Variants in NPC2 observed in about 807,000 individuals in gnomAD.
NPC2 encodes NPC intracellular cholesterol transporter 2.
Under a neutral mutation model 17.0 loss-of-function variants are expected in NPC2, and 14 were observed. The ratio of observed to expected loss-of-function variants is 0.82; its 90% confidence interval spans 0.54 to 1.29. NPC2 has a LOEUF of 1.29. Ranked by LOEUF, NPC2 falls within the 50% of genes most tolerant of loss-of-function variation. The pLI is 0.00. For synonymous variants in NPC2, 75 were observed against 69.3 expected, an observed-to-expected ratio of 1.08 and a Z score of -0.41; for missense variants, 167 against 183.4, an observed-to-expected ratio of 0.91 and a Z score of 0.52.
intron 4 of NPC2, 31 bp from the exon 5 acceptor site, chr14:74,480,319 G>C (rs748830004): frequency 1.3e-6 from 2 of 1,588,654 alleles, no homozygotes; most frequent in Non-Finnish European, 8.6e-7. Context: ...CTCAGTGGAA[G>C]TGGTTTGGAA....
Position 74,480,214 on chromosome 14 carries a change from A to C in NPC2, c.*60T>G. The C allele has an allele frequency of 6.2e-7, 1 of 1,614,084 alleles. No individual in the cohort carries two copies. Among genetic ancestry groups the C allele is most frequent in the Non-Finnish European group, 8.5e-7 (1 of 1,180,016 alleles). On this transcript the variant is annotated 3_prime_UTR_variant, in exon 5 of 5. Coordinates refer to ENST00000555619, the MANE Select transcript of NPC2 (RefSeq NM_006432.5). The stretch of plus-strand genomic sequence containing the variant: ...ACTGTTGTTGAAGCAGCAGAGCTGG[A>C]GGTGCTGTCAAGAGTCTCAGCAGAC...
chr14:74,485,294 C>CAAAAAAAAAAAAAAAAA lies in NPC2; in HGVS notation c.191-724_191-708dup, dbSNP rs61395005. ...TGGGTGACAGAGCGAGACTCTGTCA[C>CAAAAAAAAAAAAAAAAA]AAAAAAAAAAAAAAAAAAAAAAAAA... On this transcript the variant is annotated intron_variant, in intron 2 of 4. Transcript: ENST00000555619. Among the ~76,000 whole-genome samples the CAAAAAAAAAAAAAAAAA allele has an allele frequency of 4.2e-4, 30 of 71,324 alleles. 1 individual carries two copies. The highest frequency in any genetic ancestry group is 2.1e-3 in the African/African-American group (27 of 12,898). The allele number at this position is 71,324 out of a possible 152,430, so 46.8% of individuals were successfully genotyped here.
intron 1 of NPC2, among the ~76,000 whole-genome samples, chr14:74,489,648 C>G (rs1308543791): frequency 5.3e-5 from 8 of 152,160 alleles, no homozygotes; most frequent in Admixed American, 2.6e-4. Context: ...TTAAATAAAG[C>G]CTTTAAAAAT....
intron 3 of NPC2, among the ~76,000 whole-genome samples, chr14:74,483,959 G>C (rs1287562951): frequency 6.6e-6 from 1 of 152,022 alleles, no homozygotes; most frequent in Non-Finnish European, 1.5e-5. Context: ...AAAAATTATG[G>C]AATATCCTCT....
At position 74,480,305 on chromosome 14, in the gene NPC2, C is replaced by G. The variant is rs1290370120; in HGVS notation, c.442-17G>C. The G allele has an allele frequency of 2.5e-6, 4 of 1,606,038 alleles. No individual in the cohort carries two copies. The highest frequency in any genetic ancestry group is 3.4e-6 in the Non-Finnish European group (4 of 1,173,594). On this transcript the variant is annotated splice_polypyrimidine_tract_variant and intron_variant, in intron 4 of 4. Coordinates refer to ENST00000555619, the MANE Select transcript of NPC2 (RefSeq NM_006432.5). The stretch of plus-strand genomic sequence containing the variant: ...ATGAGAAACCTGTGGATGTAATGTC[C>G]CAGCTCAGTGGAAGTGGTTTGGAAC...
At chr14:74,491,821 T>C (rs143107344) in intron 1 of NPC2, among the ~76,000 whole-genome samples, 79 of 152,314 alleles carry the variant, frequency 5.2e-4, no homozygotes, top group African/African-American at 1.9e-3. Context: ...GAGGAATTTA[T>C]AGTTTAAACT....
At chr14:74,486,224 T>C in intron 2 of NPC2, 105 bp downstream of exon 2, 1 of 1,055,876 alleles carries the variant, frequency 9.5e-7, no homozygotes, top group Non-Finnish European at 1.4e-6. Flanking sequence ...ATCATAAAAT[T>C]CATGACTGCC....
chr14:74,490,300 C>G (rs568643760), intron 1 of NPC2, among the ~76,000 whole-genome samples: 9 of 152,316 alleles, frequency 5.9e-5, no homozygotes, highest in African/African-American at 1.7e-4. Context: ...TCACACTGAC[C>G]AACACTGCTC....
intron 4 of NPC2, 195 bp downstream of exon 4, chr14:74,480,507 T>G (rs1196711885): frequency 2.6e-6 from 2 of 766,622 alleles, no homozygotes; most frequent in Non-Finnish European, 4.7e-6. Flanking sequence ...CTTTTTTTTT[T>G]TTAACAAAGG....
upstream of NPC2, chr14:74,493,311 G>C (rs769643578): frequency 6.3e-7 from 1 of 1,597,286 alleles, no homozygotes; most frequent in Non-Finnish European, 8.5e-7. The surrounding 1 kb of genome is among the most constrained non-coding windows in gnomAD (Gnocchi z 4.1). Flanking sequence ...GAAAGAAGCA[G>C]CGGCCGCCCG....
chr14:74,481,888 A>G (rs191102180), intron 3 of NPC2, among the ~76,000 whole-genome samples: 72 of 151,976 alleles, frequency 4.7e-4, no homozygotes, highest in Admixed American at 8.5e-4. Flanking sequence ...ACTAGTTACT[A>G]CCTCTCTTTT....
In NPC2 at chr14:74,484,477, T is replaced by G; in HGVS notation, c.301A>C (p.Ile101Leu). Residue 101 changes from isoleucine to leucine, a missense_variant, in exon 3 of 5, where the codon ATC (isoleucine) becomes CTC (leucine). Physicochemically the swap from Ile to Leu is conservative, Grantham distance 5. Transcript: ENST00000555619. ...DGCKSGINCP[I>L]QKDKTYSYLN... ...TAGCTATAGGTCTTGTCTTTTTGGA[T>G]AGGGCAGTTAATTCCACTCTTACAA... 1 of 1,614,044 alleles carries G rather than the reference T, an allele frequency of 6.2e-7. No individual in the cohort carries two copies.
At chr14:74,480,337 T>C (rs1262665441) in intron 4 of NPC2, 49 bp from the exon 5 acceptor site, 1 of 1,510,678 alleles carries the variant, frequency 6.6e-7, no homozygotes, top group Admixed American at 1.7e-5. Flanking sequence ...GAACCTTTCC[T>C]CCACTGTCAG....
chr14:74,480,245 G>T lies in NPC2; in HGVS notation c.*29C>A. On this transcript the variant is annotated 3_prime_UTR_variant, in exon 5 of 5. Transcript: ENST00000555619. ...TGTCAAGAGTCTCAGCAGACTCATTGGCCAGATGCACCGAACTCAATGAGG... is the reference window on the plus strand; with the variant it reads ...TGTCAAGAGTCTCAGCAGACTCATTTGCCAGATGCACCGAACTCAATGAGG... 1.2e-6 allele frequency: 2 copies of T among 1,614,158 alleles called. No homozygotes were observed. The highest frequency in any genetic ancestry group is 1.7e-6 in the Non-Finnish European group (2 of 1,180,026).
intron 2 of NPC2, 105 bp from the exon 3 acceptor site, chr14:74,484,692 T>G (rs575961813): frequency 1.6e-6 from 2 of 1,217,028 alleles, no homozygotes; most frequent in East Asian, 5.0e-5. Context: ...CTAGGGTCTA[T>G]TTCTCTTGAT....
intron 4 of NPC2, 27 bp from the exon 5 acceptor site, chr14:74,480,315 G>A: frequency 6.3e-7 from 1 of 1,599,386 alleles, no homozygotes; most frequent in Non-Finnish European, 8.6e-7. Context: ...CCAGCTCAGT[G>A]GAAGTGGTTT....
At position 74,479,976 on chromosome 14, in the gene NPC2, A is replaced by C; in HGVS notation, c.*298T>G. 7.4e-7 allele frequency: 1 copy of C among 1,357,420 alleles called. No homozygotes were observed. The highest frequency in any genetic ancestry group is 9.5e-7 in the Non-Finnish European group (1 of 1,052,138). The allele number at this position is 1,357,420 out of a possible 1,614,324, so 84.1% of individuals were successfully genotyped here. On this transcript the variant is annotated 3_prime_UTR_variant, in exon 5 of 5. Transcript: ENST00000555619. ...AGACAAACGAGTTTTTATTTATTCA[A>C]GAGTAAATTTCCAGGTGTAGAAAGA...
At chr14:74,488,472 T>C (rs1308793028) in intron 1 of NPC2, among the ~76,000 whole-genome samples, 3 of 152,208 alleles carry the variant, frequency 2.0e-5, no homozygotes, top group African/African-American at 7.2e-5. Flanking sequence ...TCCCAGCACT[T>C]TGGGAGGCCA....
intron 3 of NPC2, 115 bp downstream of exon 3, chr14:74,484,300 T>G (rs2302116): frequency 1.9e-5 from 20 of 1,061,056 alleles, no homozygotes; most frequent in Non-Finnish European, 2.6e-5. Context: ...TCGGGCTTCT[T>G]CTTCATCATA....
Sources: allele counts gnomAD v4.1 joint callset (sites outside exome capture counted in the v4.1 genomes callset), GRCh38; gene constraint gnomAD v4.1.1; non-coding constraint Gnocchi (gnomAD v3.1); transcripts MANE v1.5; gene names NCBI Gene and HGNC (gene_info 2026-07-23, HGNC 2026-07-21).